Variants in PON2 observed in about 807,000 individuals in gnomAD.
PON2 encodes serum paraoxonase/arylesterase 2.
In PON2, 27 loss-of-function variants were observed where a neutral mutation model predicts 36.6. The observed-to-expected ratio is 0.74, with a 90% CI of 0.54 to 1.02. The LOEUF is 1.02. PON2 is among the 50% of genes least tolerant of loss of function. The pLI is 0.00. For missense variants in PON2, 363 were observed against 421.1 expected, an observed-to-expected ratio of 0.86 and a Z score of 1.21; for synonymous variants, 149 against 156.3, an observed-to-expected ratio of 0.95 and a Z score of 0.35.
In PON2 at chr7:95,434,971, C is replaced by T. The variant is rs560408024; in HGVS notation, c.-20G>A. The T allele has an allele frequency of 1.6e-4, 250 of 1,519,546 alleles. 2 individuals carry two copies. In the South Asian group the frequency reaches 3.0e-3, roughly 18 times the overall value. The allele number at this position is 1,519,546 out of a possible 1,614,324, so 94.1% of individuals were successfully genotyped here. A position where few individuals can be genotyped will look rare whatever the true frequency, so the allele number is the denominator to read the frequency against. Reference sequence around the variant, plus strand: ...CCCCATGGCGCGGGAGCCGGGCGCGCTGCCTCGCTCCGGCCTGGCCAGCAG... The same window carrying T: ...CCCCATGGCGCGGGAGCCGGGCGCGTTGCCTCGCTCCGGCCTGGCCAGCAG... On this transcript the variant is annotated 5_prime_UTR_variant, in exon 1 of 9. Coordinates refer to ENST00000222572, the MANE Select transcript of PON2 (RefSeq NM_000305.3).
At chr7:95,405,915 CATCA>C (rs1809673809) in intron 8 of PON2, among the ~76,000 whole-genome samples, 200 bp downstream of exon 8, 1 of 152,150 alleles carries the variant, frequency 6.6e-6, no homozygotes, top group Non-Finnish European at 1.5e-5. Context: ...TAATTTAATA[CATCA>C]AAAGATTACC....
chr7:95,414,576 G>A lies in PON2; in HGVS notation c.201+1666C>T, dbSNP rs1056061340. ...GGGCTGGAGAGAAATCTTGAAATAGGTGAATTCTAGATTATAAAAATCTCC... is the reference window on the plus strand; with the variant it reads ...GGGCTGGAGAGAAATCTTGAAATAGATGAATTCTAGATTATAAAAATCTCC... On this transcript the variant is annotated intron_variant, in intron 3 of 8. Transcript: ENST00000222572. 1.2e-4 allele frequency among the ~76,000 whole-genome samples: 18 copies of A among 152,048 alleles called. 1 individual carries two copies. Among genetic ancestry groups the A allele is most frequent in the Non-Finnish European group, 1.5e-5 (1 of 67,998 alleles).
chr7:95,418,418 A>T (rs1291172301), intron 2 of PON2: 1 of 152,246 alleles, frequency 6.6e-6, no homozygotes, highest in Non-Finnish European at 1.5e-5. Context: ...AGGCAAACAG[A>T]AAATATTCAA....
chr7:95,424,290 A>G, intron 2 of PON2: 1 of 560,046 alleles, frequency 1.8e-6, no homozygotes, highest in Non-Finnish European at 3.2e-6. Flanking sequence ...ATCAAATGCT[A>G]AACATAGAAT....
intron 4 of PON2, 95 bp from the exon 5 acceptor site, chr7:95,411,874 T>A (rs930942829): frequency 1.9e-5 from 25 of 1,336,224 alleles, no homozygotes; most frequent in Non-Finnish European, 2.7e-5. Context: ...AAGGAAAGGT[T>A]GAATGTATAA....
chr7:95,421,066 T>C (rs886066492), intron 2 of PON2, among the ~76,000 whole-genome samples: 5 of 152,336 alleles, frequency 3.3e-5, no homozygotes, highest in Admixed American at 3.3e-4. Flanking sequence ...CTCTCCGCTC[T>C]GTTGCCTTTT....
At chr7:95,433,625 T>C (rs1789494200) in intron 1 of PON2, among the ~76,000 whole-genome samples, 1 of 152,246 alleles carries the variant, frequency 6.6e-6, no homozygotes, top group Admixed American at 6.5e-5. Context: ...TTTCAACTTA[T>C]ATTTAATGGC....
chr7:95,427,962 T>A (rs1789353970), intron 1 of PON2, among the ~76,000 whole-genome samples: 1 of 152,220 alleles, frequency 6.6e-6, no homozygotes, highest in African/African-American at 2.4e-5. Context: ...AGGAACACTC[T>A]TTACTTTTGC....
chr7:95,410,335 G>C (rs1275083646), intron 5 of PON2, among the ~76,000 whole-genome samples: 1 of 152,164 alleles, frequency 6.6e-6, no homozygotes, highest in African/African-American at 2.4e-5. Flanking sequence ...ATTATGGCAG[G>C]ATTACCATAA....
At chr7:95,406,907 C>T (rs1809710927) in intron 7 of PON2, 80 bp downstream of exon 7, 7 of 836,532 alleles carry the variant, frequency 8.4e-6, no homozygotes, top group South Asian at 8.1e-5. Flanking sequence ...TTTTGTTCTA[C>T]GTGTGGTACT....
intron 5 of PON2, among the ~76,000 whole-genome samples, chr7:95,411,301 A>C (rs1018097452): frequency 3.9e-5 from 6 of 152,204 alleles, no homozygotes; most frequent in Non-Finnish European, 7.3e-5. Flanking sequence ...CTGGGTGATG[A>C]GTCATCTAAG....
At chr7:95,407,864 G>A (rs1809744937) in intron 6 of PON2, among the ~76,000 whole-genome samples, 1 of 152,202 alleles carries the variant, frequency 6.6e-6, no homozygotes, top group Non-Finnish European at 1.5e-5. Flanking sequence ...TGCAGTGGCT[G>A]TGTAAAGAGA....
chr7:95,413,039 G>T (rs1242773507), intron 3 of PON2: 1 of 154,364 alleles, frequency 6.5e-6, no homozygotes, highest in Non-Finnish European at 1.4e-5. Context: ...AGCACTTTGG[G>T]AGGCTGACGT....
rs555204729 is a variant in PON2, at chr7:95,430,970, T to C, written c.74+3908A>G. Among the ~76,000 whole-genome samples, 5 of 151,120 alleles carry C rather than the reference T, an allele frequency of 3.3e-5. No homozygotes were observed. The South Asian group carries it at 6.3e-4, about 19-fold the overall frequency. ...CAGACCACATAGCTTCTTGTGGGAA[T>C]TGTCATAAAAGGTGCGAGGCAGCAA... On this transcript the variant is annotated intron_variant, in intron 1 of 8. Transcript: ENST00000222572.
At chr7:95,412,590 A>T in intron 3 of PON2, 113 bp from the exon 4 acceptor site, 3 of 1,123,888 alleles carry the variant, frequency 2.7e-6, no homozygotes, top group Non-Finnish European at 3.9e-6. Flanking sequence ...AGTGGCATAA[A>T]GCCACAAAAA....
intron 1 of PON2, among the ~76,000 whole-genome samples, chr7:95,429,816 T>A (rs377377688): frequency 5.7e-4 from 87 of 152,262 alleles, no homozygotes; most frequent in African/African-American, 2.1e-3. Flanking sequence ...CCCTTTGGAA[T>A]TCACCCCTTG....
rs1788932624 is a variant in PON2 at position 95,411,776 on chromosome 7, T to G, written c.371A>C (p.Asp124Ala). The G allele has an allele frequency of 6.2e-7, 1 of 1,613,526 alleles. No homozygotes were observed. Among genetic ancestry groups the G allele is most frequent in the Middle Eastern group, 1.7e-4 (1 of 6,036 alleles). ...HGISTFIDND[D>A]TVYLFVVNHP... ...GTTTACAACAAAGAGATAAACTGTGTCATCTAAAGAATTGAAAGAACAGAG... is the reference window on the plus strand; with the variant it reads ...GTTTACAACAAAGAGATAAACTGTGGCATCTAAAGAATTGAAAGAACAGAG... The change falls in exon 5 of 9, where the codon GAC becomes GCC. Residue 124 changes from aspartate (D) to alanine (A), a missense_variant. Transcript: ENST00000222572.
At chr7:95,431,871 G>T (rs947272764) in intron 1 of PON2, among the ~76,000 whole-genome samples, 3 of 149,806 alleles carry the variant, frequency 2.0e-5, no homozygotes, top group Non-Finnish European at 4.4e-5. Context: ...CAAATTCCAC[G>T]CTTAATGCTA....
Position 95,405,139 on chromosome 7 carries a change from A to T in PON2, c.*191T>A. The T allele has an allele frequency of 1.7e-6, 1 of 586,374 alleles. No homozygotes were observed. The highest frequency in any genetic ancestry group is 3.0e-6 in the Non-Finnish European group (1 of 337,716). 36.3% of individuals were successfully genotyped at this position (586,374 alleles called of 1,614,324 possible). A position where few individuals can be genotyped will look rare whatever the true frequency, so the allele number is the denominator to read the frequency against. On this transcript the variant is annotated 3_prime_UTR_variant, in exon 9 of 9. Transcript: ENST00000222572. Reference sequence around the variant, plus strand: ...TTTTCTGTCCCTTGCTTGGCATTTTAAAGAACCTGTTCATTTTCCTTTTTT... The same window carrying T: ...TTTTCTGTCCCTTGCTTGGCATTTTTAAGAACCTGTTCATTTTCCTTTTTT...
Sources: allele counts gnomAD v4.1 joint callset (sites outside exome capture counted in the v4.1 genomes callset), GRCh38; gene constraint gnomAD v4.1.1; transcripts MANE v1.5; gene names NCBI Gene and HGNC (gene_info 2026-07-23, HGNC 2026-07-21).